Variants in CD2AP observed in about 807,000 individuals in gnomAD.
The protein encoded by CD2AP is CD2 associated protein.
Under a neutral mutation model 85.1 loss-of-function variants are expected in CD2AP, and 46 were observed. The ratio of observed to expected loss-of-function variants is 0.54; its 90% CI spans 0.43 to 0.69. The LOEUF (loss-of-function observed/expected upper bound fraction) is 0.69, where lower values mean the gene tolerates loss of function less well. CD2AP is among the 30% of genes least tolerant of loss of function. The pLI is 0.00. For synonymous variants in CD2AP, 255 were observed against 252.9 expected (o/e 1.01, Z -0.08); for missense variants, 769 against 729.5 (o/e 1.05, Z -0.62).
At chr6:47,590,502 T>TG (rs1172180678) in intron 11 of CD2AP, among the ~76,000 whole-genome samples, 1 of 152,066 alleles carries the variant, frequency 6.6e-6, no homozygotes, top group East Asian at 1.9e-4. Context: ...TTGAACTATA[T>TG]GGGGTCCACG....
chr6:47,528,124 G>T (rs1766777619), intron 2 of CD2AP, among the ~76,000 whole-genome samples: 1 of 152,160 alleles, frequency 6.6e-6, no homozygotes, highest in South Asian at 2.1e-4. Flanking sequence ...TGCATGTACT[G>T]TAGTTTATTT....
chr6:47,547,356 C>A (rs1315644259), intron 4 of CD2AP, among the ~76,000 whole-genome samples: 1 of 152,038 alleles, frequency 6.6e-6, no homozygotes, highest in Non-Finnish European at 1.5e-5. Context: ...ACATTTCATG[C>A]AAATGGACAG....
chr6:47,610,949 T>TTATATATATATATA (rs10580325), intron 16 of CD2AP, among the ~76,000 whole-genome samples: 64 of 114,188 alleles, frequency 5.6e-4, no homozygotes, highest in Admixed American at 9.6e-4. Context: ...TATTTCTGAT[T>TTATATATATATATA]TATATATATA....
At chr6:47,517,660 A>G (rs1766488837) in intron 2 of CD2AP, among the ~76,000 whole-genome samples, 2 of 152,130 alleles carry the variant, frequency 1.3e-5, no homozygotes, top group East Asian at 1.9e-4. Flanking sequence ...ACAGACTAAT[A>G]ATAGTTGCCA....
chr6:47,528,915 T>A (rs1326481951), intron 2 of CD2AP, among the ~76,000 whole-genome samples: 1 of 152,184 alleles, frequency 6.6e-6, no homozygotes, highest in Non-Finnish European at 1.5e-5. Context: ...GTCTTAGGCA[T>A]CTTTTGCAAA....
At chr6:47,590,007 C>T (rs1484827068) in intron 11 of CD2AP, among the ~76,000 whole-genome samples, 3 of 152,064 alleles carry the variant, frequency 2.0e-5, no homozygotes, top group African/African-American at 7.2e-5. Flanking sequence ...AGTAAACCTT[C>T]ATTGTCTAGA....
In CD2AP at chr6:47,595,940, C is replaced by G. The variant is rs147254896; in HGVS notation, c.1188C>G (p.Thr396=). The G allele has an allele frequency of 1.1e-4, 179 of 1,612,418 alleles. No individual in the cohort carries two copies. Among genetic ancestry groups the G allele is most frequent in the Non-Finnish European group, 1.5e-4 (174 of 1,178,794 alleles). ...CACCCAAGAAACCTACTCCACCTAC[C>G]AAAGCCAGTAATTTACTGAGATCTT... ...QVPPKKPTPP[T]KASNLLRSSG... is the part of the protein sequence containing the mutation. Residue 396 remains threonine (T), a synonymous_variant, in exon 12 of 18, where the codon ACC becomes ACG. Transcript: ENST00000359314.
At chr6:47,502,870 G>C (rs1414396425) in intron 1 of CD2AP, among the ~76,000 whole-genome samples, 1 of 152,132 alleles carries the variant, frequency 6.6e-6, no homozygotes, top group Non-Finnish European at 1.5e-5. Flanking sequence ...ATTACGCCCT[G>C]CCATCATATT....
intron 2 of CD2AP, among the ~76,000 whole-genome samples, chr6:47,509,909 G>A (rs1766270155): frequency 3.3e-5 from 5 of 152,102 alleles, no homozygotes; most frequent in African/African-American, 9.7e-5. Context: ...TAAGTTAAAA[G>A]TTAAATACAA....
At chr6:47,585,674 A>G (rs1409622139) in intron 11 of CD2AP, among the ~76,000 whole-genome samples, 1 of 152,198 alleles carries the variant, frequency 6.6e-6, no homozygotes, top group Non-Finnish European at 1.5e-5. Flanking sequence ...GCGAGTACTC[A>G]GATCTGTAGA....
intron 2 of CD2AP, among the ~76,000 whole-genome samples, chr6:47,526,204 G>A (rs7749167): frequency 0.27 from 40,910 of 152,026 alleles, 5,694 homozygotes; most frequent in African/African-American, 0.33. Flanking sequence ...TCTGGTAGAG[G>A]CACTATGTTT....
At chr6:47,520,955 A>G (rs1374179702) in intron 2 of CD2AP, among the ~76,000 whole-genome samples, 2 of 152,064 alleles carry the variant, frequency 1.3e-5, no homozygotes, top group African/African-American at 2.4e-5. Context: ...CAAAAAGAAT[A>G]TTAGTGAACT....
chr6:47,492,499 C>G (rs1400001089), intron 1 of CD2AP, among the ~76,000 whole-genome samples: 1 of 151,928 alleles, frequency 6.6e-6, no homozygotes, highest in Non-Finnish European at 1.5e-5. Flanking sequence ...ACTATAGGTG[C>G]TGCCCCACAC....
intron 5 of CD2AP, among the ~76,000 whole-genome samples, chr6:47,556,382 A>G (rs1490380530): frequency 8.1e-6 from 1 of 123,704 alleles, no homozygotes; most frequent in Non-Finnish European, 1.8e-5. Context: ...AAGGACATGA[A>G]CTCATTCTTT....
chr6:47,505,525 T>C (rs1454694649), intron 2 of CD2AP, among the ~76,000 whole-genome samples: 1 of 149,992 alleles, frequency 6.7e-6, no homozygotes, highest in Non-Finnish European at 1.5e-5. Context: ...TCCTGGCCCG[T>C]TCTCAATGAG....
At chr6:47,576,224 A>G (rs1768307468) in intron 6 of CD2AP, among the ~76,000 whole-genome samples, 1 of 152,120 alleles carries the variant, frequency 6.6e-6, no homozygotes, top group Admixed American at 6.6e-5. Flanking sequence ...TCAGACATGA[A>G]CCACTGGTTC....
At chr6:47,492,378 G>T (rs570093247) in intron 1 of CD2AP, among the ~76,000 whole-genome samples, 143 of 143,042 alleles carry the variant, frequency 1.0e-3, no homozygotes, top group Non-Finnish European at 1.7e-3. Context: ...TTTGAGACAG[G>T]GTCTTGCTCT....
At chr6:47,544,890 G>A in intron 4 of CD2AP, 184 bp downstream of exon 4, 1 of 511,538 alleles carries the variant, frequency 2.0e-6, no homozygotes, top group South Asian at 2.8e-5. Context: ...CCTGCCTTTA[G>A]GAATAAAAAT....
At chr6:47,489,325 G>A (rs1765663982) in intron 1 of CD2AP, among the ~76,000 whole-genome samples, 2 of 151,824 alleles carry the variant, frequency 1.3e-5, no homozygotes, top group Non-Finnish European at 1.5e-5. Flanking sequence ...CTGCTACCAC[G>A]CCTGACTAAT....
Sources: allele counts gnomAD v4.1 joint callset (sites outside exome capture counted in the v4.1 genomes callset), GRCh38; gene constraint gnomAD v4.1.1; transcripts MANE v1.5; gene names NCBI Gene and HGNC (gene_info 2026-07-23, HGNC 2026-07-21).